The following GPR141 variants were observed in gnomAD, a reference collection of about 807,000 sequenced individuals.
GPR141 encodes the protein G protein-coupled receptor 141.
In GPR141, 6 loss-of-function variants were observed where a neutral mutation model predicts 6.8. The ratio of observed to expected loss-of-function variants is 0.88; its 90% confidence interval spans 0.48 to 1.74. The LOEUF (loss-of-function observed/expected upper bound fraction) is 1.74. Among genes scored for constraint, GPR141 ranks in the 40% most tolerant of loss-of-function variants. The pLI is 0.01. For synonymous variants in GPR141, 140 were observed against 142.3 expected (o/e 0.98, Z 0.11); for missense variants, 372 against 372.9 (o/e 1.00, Z 0.02).
intron 2 of GPR141, among the ~76,000 whole-genome samples, chr7:37,690,266 G>A (rs990276476): frequency 2.6e-5 from 4 of 151,898 alleles, no homozygotes; most frequent in Admixed American, 1.3e-4. Flanking sequence ...TGTCCCCTCC[G>A]AATCTCATGT....
rs146560407 is a variant in GPR141 at position 37,715,508 on chromosome 7, AT to A, written c.-14-24871del. Reference sequence around the variant, plus strand: ...GAAAAGGAAAGGAAACATGATGTTTATGGAGTGATTGTTCAGCATCCAGTCT... The same window carrying A: ...GAAAAGGAAAGGAAACATGATGTTTAGGAGTGATTGTTCAGCATCCAGTCT... On this transcript the variant is annotated intron_variant, in intron 2 of 2. Transcript: ENST00000334425. 1.3e-3 allele frequency among the ~76,000 whole-genome samples: 196 copies of A among 152,300 alleles called. 1 individual carries two copies. The highest frequency in any genetic ancestry group is 4.3e-3 in the African/African-American group (180 of 41,564).
At chr7:37,687,483 C>A (rs1809562552) in intron 2 of GPR141, among the ~76,000 whole-genome samples, 2 of 152,056 alleles carry the variant, frequency 1.3e-5, no homozygotes, top group Non-Finnish European at 2.9e-5. Flanking sequence ...ATACAGTGAG[C>A]CTGTGCAGTA....
At chr7:37,703,407 GT>G (rs1810382056) in intron 2 of GPR141, among the ~76,000 whole-genome samples, 1 of 152,046 alleles carries the variant, frequency 6.6e-6, no homozygotes, top group African/African-American at 2.4e-5. Flanking sequence ...GATGATTGAT[GT>G]TTTTCATCAA....
At chr7:37,706,670 A>G (rs1446087988) in intron 2 of GPR141, among the ~76,000 whole-genome samples, 2 of 152,156 alleles carry the variant, frequency 1.3e-5, no homozygotes, top group Admixed American at 1.3e-4. Context: ...TAGTACTCAA[A>G]TGGAGAGGTT....
intron 2 of GPR141, among the ~76,000 whole-genome samples, chr7:37,695,023 C>T (rs969323039): frequency 5.3e-5 from 8 of 152,126 alleles, no homozygotes; most frequent in East Asian, 1.9e-4. Context: ...GGCACAGCCA[C>T]GACTGGGAGA....
At chr7:37,702,936 A>T (rs1312755453) in intron 2 of GPR141, among the ~76,000 whole-genome samples, 1 of 151,796 alleles carries the variant, frequency 6.6e-6, no homozygotes, top group African/African-American at 2.4e-5. Context: ...ATTCATATAA[A>T]ATATGTTTAC....
chr7:37,724,436 T>G (rs1156288341), intron 2 of GPR141, among the ~76,000 whole-genome samples: 1 of 152,190 alleles, frequency 6.6e-6, no homozygotes, highest in Non-Finnish European at 1.5e-5. Flanking sequence ...ATATGTTACT[T>G]AGGCATATAA....
intron 2 of GPR141, among the ~76,000 whole-genome samples, chr7:37,687,832 C>T (rs1159323399): frequency 2.0e-5 from 3 of 152,138 alleles, no homozygotes; most frequent in Non-Finnish European, 2.9e-5. Context: ...TACTCCAAAA[C>T]GTGGTCAAGA....
chr7:37,720,738 CA>C (rs543342332), intron 2 of GPR141, among the ~76,000 whole-genome samples: 138 of 58,700 alleles, frequency 2.4e-3, no homozygotes, highest in Non-Finnish European at 2.3e-3. Context: ...GACTCCGTCT[CA>C]AAAAAAAAAA....
At chr7:37,714,204 C>T (rs1238557872) in intron 2 of GPR141, among the ~76,000 whole-genome samples, 1 of 152,172 alleles carries the variant, frequency 6.6e-6, no homozygotes, top group Non-Finnish European at 1.5e-5. Flanking sequence ...CTCTGTAAAG[C>T]TGCAGGGACT....
At chr7:37,701,834 G>A (rs571405842) in intron 2 of GPR141, among the ~76,000 whole-genome samples, 54 of 152,274 alleles carry the variant, frequency 3.5e-4, no homozygotes, top group Non-Finnish European at 6.2e-4. Context: ...ATAAATCTAG[G>A]TTCAGGTTAG....
intron 2 of GPR141, among the ~76,000 whole-genome samples, chr7:37,726,167 G>T (rs1274417068): frequency 6.6e-6 from 1 of 152,224 alleles, no homozygotes; most frequent in East Asian, 1.9e-4. Context: ...ACTGTAGGAA[G>T]TGAGATCAAA....
intron 2 of GPR141, among the ~76,000 whole-genome samples, chr7:37,696,729 G>C (rs1299078263): frequency 6.6e-6 from 1 of 151,950 alleles, no homozygotes; most frequent in East Asian, 1.9e-4. Flanking sequence ...ACAGGATCCA[G>C]TCTTTATGCT....
At chr7:37,706,092 A>G (rs1810509384) in intron 2 of GPR141, among the ~76,000 whole-genome samples, 1 of 152,208 alleles carries the variant, frequency 6.6e-6, no homozygotes, top group Admixed American at 6.5e-5. Context: ...CTGGCGAACT[A>G]CAGGTCTTCT....
At chr7:37,736,105 A>G (rs538540915) in intron 2 of GPR141, among the ~76,000 whole-genome samples, 50 of 152,224 alleles carry the variant, frequency 3.3e-4, no homozygotes, top group African/African-American at 1.2e-3. Context: ...TAAAAATACA[A>G]ACATTAGCCG....
chr7:37,723,479 C>T (rs1811455103), intron 2 of GPR141, among the ~76,000 whole-genome samples: 1 of 151,150 alleles, frequency 6.6e-6, no homozygotes. Flanking sequence ...CTGAAGTGGA[C>T]ATGGTGAGGG....
intron 2 of GPR141, chr7:37,713,333 T>G (rs763789497): frequency 6.6e-5 from 10 of 152,176 alleles, no homozygotes; most frequent in African/African-American, 2.4e-4. Flanking sequence ...TTATTTTTTA[T>G]TTTCTTAGAG....
intron 2 of GPR141, among the ~76,000 whole-genome samples, chr7:37,718,300 GACGTTCAAGGCC>G (rs112815998): frequency 1.2e-4 from 19 of 152,298 alleles, no homozygotes; most frequent in African/African-American, 4.6e-4. Context: ...CTTGAGGCCA[GACGTTCAAGGCC>G]ACCTGGGCAA....
intron 2 of GPR141, among the ~76,000 whole-genome samples, chr7:37,692,770 T>C (rs1809836607): frequency 6.6e-6 from 1 of 152,236 alleles, no homozygotes; most frequent in South Asian, 2.1e-4. Flanking sequence ...TTTTTTCATA[T>C]GTTTGATGGC....
Sources: gnomAD v4.1 joint callset for allele counts (sites outside exome capture counted in the v4.1 genomes callset) on GRCh38, gnomAD v4.1.1 for gene constraint, MANE v1.5 for transcripts, NCBI Gene and HGNC (gene_info 2026-07-23, HGNC 2026-07-21) for gene names.